The following CLCN5 variants were observed in gnomAD, a reference collection of about 807,000 sequenced individuals.
CLCN5 encodes H(+)/Cl(-) exchange transporter 5.
A neutral mutation model predicts 54.0 loss-of-function variants in CLCN5; 17 were observed. That is an observed-to-expected ratio of 0.31 (90% confidence interval 0.22 to 0.47). CLCN5 has a LOEUF of 0.47. CLCN5 is among the 20% of genes least tolerant of loss of function. The probability of loss-of-function intolerance (pLI) is 1.00; values close to 1 mark genes in which losing one functional copy is unlikely to be tolerated. For missense variants in CLCN5, 448 were observed against 646.7 expected (o/e 0.69, Z 3.33); for synonymous variants, 222 against 233.0 (o/e 0.95, Z 0.43).
At chrX:49,941,064 C>T (rs1169406786) in intron 3 of CLCN5, among the ~76,000 whole-genome samples, 56 of 111,666 alleles carry the variant, frequency 5.0e-4, no homozygotes, top group Non-Finnish European at 2.6e-4. Flanking sequence ...TGGTGGCTCA[C>T]ACCTGTAATC....
In CLCN5 at chrX:50,027,145, G is replaced by A. The variant is rs1479564855; in HGVS notation, c.17-15171G>A. ...TTCTCCTGCCTCAGCCTCCTGAGTA[G>A]CTGGGAGTACAGGTGCGCACCACCA... On this transcript the variant is annotated intron_variant, in intron 3 of 14. Transcript: ENST00000376091. 4.6e-5 allele frequency among the ~76,000 whole-genome samples: 5 copies of A among 108,692 alleles called. No homozygotes were observed. In the East Asian group the frequency reaches 1.4e-3, roughly 31 times the overall value. The allele number at this position is 108,692 out of a possible 115,157, so 94.4% of individuals were successfully genotyped here. A position where few individuals can be genotyped will look rare whatever the true frequency, so the allele number is the denominator to read the frequency against.
chrX:49,950,184 G>A (rs781946144), intron 3 of CLCN5, among the ~76,000 whole-genome samples: 1 of 111,660 alleles, frequency 9.0e-6, no homozygotes, highest in South Asian at 3.8e-4. Context: ...TCTTTGGACT[G>A]ACTCCCAAAC....
intron 3 of CLCN5, among the ~76,000 whole-genome samples, chrX:49,944,486 T>G (rs1228228573): frequency 8.9e-6 from 1 of 111,796 alleles, no homozygotes; most frequent in African/African-American, 3.3e-5. Flanking sequence ...TTGTGCCAGT[T>G]TTCAAAGGGA....
intron 3 of CLCN5, among the ~76,000 whole-genome samples, chrX:49,977,901 C>G (rs1208358630): frequency 8.9e-6 from 1 of 111,859 alleles, no homozygotes. Context: ...CTGCCCATAA[C>G]TAGCTGATCT....
chrX:49,989,394 T>C (rs1929146564), intron 3 of CLCN5, among the ~76,000 whole-genome samples: 1 of 111,945 alleles, frequency 8.9e-6, no homozygotes, highest in African/African-American at 3.2e-5. Context: ...TGTGTGTCCT[T>C]CCCACAAAAA....
At chrX:49,974,848 A>T (rs1227586319) in intron 3 of CLCN5, among the ~76,000 whole-genome samples, 1 of 112,307 alleles carries the variant, frequency 8.9e-6, no homozygotes, top group Admixed American at 9.4e-5. Flanking sequence ...ACCATAACTG[A>T]GATACTGAAT....
intron 3 of CLCN5, among the ~76,000 whole-genome samples, chrX:49,951,443 A>G (rs2147289518): frequency 8.9e-6 from 1 of 112,299 alleles, no homozygotes; most frequent in African/African-American, 3.2e-5. Flanking sequence ...TTTTAGTCCC[A>G]TACACATCTG....
intron 3 of CLCN5, among the ~76,000 whole-genome samples, chrX:49,973,129 C>T (rs1227497463): frequency 5.4e-5 from 6 of 111,320 alleles, no homozygotes; most frequent in Non-Finnish European, 9.4e-5. Context: ...TCTGCACAAA[C>T]CTGGCTCTGA....
intron 3 of CLCN5, among the ~76,000 whole-genome samples, chrX:50,031,994 T>A (rs1198042778): frequency 9.4e-6 from 1 of 106,817 alleles, no homozygotes; most frequent in Non-Finnish European, 1.9e-5. Context: ...CTTGCGATAG[T>A]TTACTGAGAA....
chrX:50,017,202 A>G (rs1364778899), intron 3 of CLCN5, among the ~76,000 whole-genome samples: 4 of 111,696 alleles, frequency 3.6e-5, no homozygotes, highest in African/African-American at 1.3e-4. Context: ...AGAAACCACC[A>G]AACTGTCCTC....
At chrX:49,993,628 C>T (rs1602022226) in intron 3 of CLCN5, among the ~76,000 whole-genome samples, 1 of 112,562 alleles carries the variant, frequency 8.9e-6, no homozygotes, top group Non-Finnish European at 1.9e-5. Context: ...TTGCCTGAAT[C>T]CTGGTTCTGT....
intron 4 of CLCN5, among the ~76,000 whole-genome samples, chrX:50,052,379 C>T (rs1009048774): frequency 2.7e-5 from 3 of 111,592 alleles, no homozygotes; most frequent in Non-Finnish European, 5.7e-5. Context: ...GAATAAATTC[C>T]ACTTGGTTGG....
intron 4 of CLCN5, among the ~76,000 whole-genome samples, chrX:50,049,811 T>G (rs1401952155): frequency 1.8e-5 from 2 of 112,163 alleles, no homozygotes; most frequent in Admixed American, 1.9e-4. Context: ...TCATGTAGAA[T>G]AGTTTCACTG....
intron 4 of CLCN5, among the ~76,000 whole-genome samples, chrX:50,055,661 C>G (rs1932721098): frequency 9.0e-6 from 1 of 111,508 alleles, no homozygotes; most frequent in African/African-American, 3.3e-5. Flanking sequence ...AAATATGTCT[C>G]ACTATAAAAG....
At chrX:49,929,187 T>C (rs1333686390) in intron 3 of CLCN5, among the ~76,000 whole-genome samples, 1 of 111,531 alleles carries the variant, frequency 9.0e-6, no homozygotes, top group Admixed American at 9.5e-5. Context: ...CTTGGCTCAT[T>C]GCTGTCTGGT....
chrX:49,957,367 A>T (rs1443719789), intron 3 of CLCN5, among the ~76,000 whole-genome samples: 1 of 112,277 alleles, frequency 8.9e-6, no homozygotes, highest in Admixed American at 9.4e-5. Flanking sequence ...AGGGAATATT[A>T]TCATTCTGTT....
chrX:49,963,725 A>G (rs1483586561), intron 3 of CLCN5, among the ~76,000 whole-genome samples: 1 of 111,999 alleles, frequency 8.9e-6, no homozygotes, highest in Non-Finnish European at 1.9e-5. Context: ...TAGTGAGGCC[A>G]TTTAGGATAT....
chrX:49,935,709 A>C (rs1267198477), intron 3 of CLCN5, among the ~76,000 whole-genome samples: 1 of 111,484 alleles, frequency 9.0e-6, no homozygotes, highest in African/African-American at 3.3e-5. Flanking sequence ...TCCCAGGCAG[A>C]GGAGACAAGG....
At chrX:49,989,739 T>C (rs1244720623) in intron 3 of CLCN5, among the ~76,000 whole-genome samples, 1 of 111,981 alleles carries the variant, frequency 8.9e-6, no homozygotes, top group African/African-American at 3.3e-5. Flanking sequence ...CCGGATCTGA[T>C]TTTATGGTTC....
Sources: allele counts gnomAD v4.1 joint callset (sites outside exome capture counted in the v4.1 genomes callset), GRCh38; gene constraint gnomAD v4.1.1; transcripts MANE v1.5; gene names NCBI Gene and HGNC (gene_info 2026-07-23, HGNC 2026-07-21).